The following OPRM1 variants were observed in gnomAD, a reference collection of about 807,000 sequenced individuals.
OPRM1 encodes opioid receptor mu 1, also known as mu-type opioid receptor.
A neutral mutation model predicts 31.8 loss-of-function variants in OPRM1; 27 were observed. That is an observed-to-expected ratio of 0.85 (90% confidence interval 0.63 to 1.17). OPRM1 has a LOEUF of 1.17. Among genes scored for constraint, OPRM1 ranks in the 50% most tolerant of loss-of-function variants. The probability of loss-of-function intolerance (pLI) is 0.00; values close to 1 mark genes in which losing one functional copy is unlikely to be tolerated. For missense variants in OPRM1, 536 were observed against 511.1 expected (o/e 1.05, Z -0.47); for synonymous variants, 196 against 189.9 (o/e 1.03, Z -0.26).
chr6:154,049,752 C>T lies in OPRM1; in HGVS notation c.290+9918C>T, dbSNP rs80282624. On this transcript the variant is annotated intron_variant, in intron 1 of 3. Coordinates refer to ENST00000330432, the MANE Select transcript of OPRM1 (RefSeq NM_000914.5). ...AAAATGGATTCCCATATAACTCACTCATGAGTCACCAGATACCCAACCACA... is the reference window on the plus strand; with the variant it reads ...AAAATGGATTCCCATATAACTCACTTATGAGTCACCAGATACCCAACCACA... Among the ~76,000 whole-genome samples, 25 of 152,302 alleles carry T rather than the reference C, an allele frequency of 1.6e-4. No individual in the cohort carries two copies. The East Asian group carries it at 4.4e-3, about 27-fold the overall frequency.
At chr6:154,079,115 C>G (rs1420184130) in intron 1 of OPRM1, among the ~76,000 whole-genome samples, 1 of 152,122 alleles carries the variant, frequency 6.6e-6, no homozygotes, top group African/African-American at 2.4e-5. Context: ...CTCATTCCCT[C>G]ACTCCAGGAA....
At chr6:154,170,796 G>A (rs1196608827) in intron 3 of OPRM1, among the ~76,000 whole-genome samples, 1 of 152,226 alleles carries the variant, frequency 6.6e-6, no homozygotes, top group Non-Finnish European at 1.5e-5. Flanking sequence ...AGTAGTAAGT[G>A]TGGATGAGGA....
intron 3 of OPRM1, among the ~76,000 whole-genome samples, chr6:154,178,286 A>T (rs1800530575): frequency 6.6e-6 from 1 of 152,196 alleles, no homozygotes; most frequent in Non-Finnish European, 1.5e-5. Flanking sequence ...CTTAAAGTAT[A>T]ATAATAAAAA....
rs1043541469 is a variant in OPRM1 at position 154,039,751 on chromosome 6, G to T, written c.207G>T (p.Thr69=). 1 of 1,607,542 alleles carries T rather than the reference G, an allele frequency of 6.2e-7. No individual in the cohort carries two copies. The highest frequency in any genetic ancestry group is 1.7e-4 in the Middle Eastern group (1 of 6,060). ...CPPTGSPSMI[T]AITIMALYSI... ...CGACCGGCAGTCCCTCCATGATCAC[G>T]GCCATCACGATCATGGCCCTCTACT... is the stretch of plus-strand genomic sequence containing the variant. Residue 69 remains threonine, a synonymous_variant, in exon 1 of 4, where the codon ACG becomes ACT. Coordinates refer to ENST00000330432, the MANE Select transcript of OPRM1 (RefSeq NM_000914.5).
intron 3 of OPRM1, among the ~76,000 whole-genome samples, chr6:154,110,902 AAAAAAAAGAG>A (rs1446313118): frequency 7.0e-6 from 1 of 142,686 alleles, no homozygotes; most frequent in Non-Finnish European, 1.6e-5. Flanking sequence ...AAAAAAAAAA[AAAAAAAAGAG>A]AGAATTAGGA....
At chr6:154,115,375 A>T (rs184257048) in intron 3 of OPRM1, among the ~76,000 whole-genome samples, 1 of 152,130 alleles carries the variant, frequency 6.6e-6, no homozygotes, top group Non-Finnish European at 1.5e-5. Flanking sequence ...CCCCGTCTCT[A>T]CCAAAAATAC....
At chr6:154,211,820 G>A (rs187227688) in intron 3 of OPRM1, among the ~76,000 whole-genome samples, 459 of 152,276 alleles carry the variant, frequency 3.0e-3, no homozygotes, top group Non-Finnish European at 4.4e-3. Context: ...AACTATAGCT[G>A]TAGAGCTGAC....
intron 3 of OPRM1, among the ~76,000 whole-genome samples, chr6:154,201,385 T>A (rs1009867591): frequency 6.6e-6 from 1 of 152,228 alleles, no homozygotes; most frequent in Admixed American, 6.5e-5. Flanking sequence ...TCTCTTTTCC[T>A]TTCTTTAATG....
intron 3 of OPRM1, among the ~76,000 whole-genome samples, chr6:154,229,484 G>C (rs1450720922): frequency 1.3e-5 from 2 of 151,430 alleles, no homozygotes; most frequent in East Asian, 3.9e-4. Flanking sequence ...CGAGTAGCTG[G>C]GACTACAGGC....
At chr6:154,074,375 T>C (rs1337883396) in intron 1 of OPRM1, 1 of 152,214 alleles carries the variant, frequency 6.6e-6, no homozygotes, top group African/African-American at 2.4e-5. Flanking sequence ...AAATAACAAC[T>C]TTAATTTTTG....
Position 154,121,411 on chromosome 6 carries a change from T to C in OPRM1, c.*2690T>C, listed in dbSNP as rs1304276958. Among the ~76,000 whole-genome samples the C allele has an allele frequency of 6.6e-6, 1 of 152,156 alleles. No homozygotes were observed. Among genetic ancestry groups the C allele is most frequent in the Non-Finnish European group, 1.5e-5 (1 of 68,022 alleles). On this transcript the variant is annotated 3_prime_UTR_variant, in exon 4 of 4. Transcript: ENST00000330432. ...CTGGTGAGTCTCTAGGACCCTGCTA[T>C]CCTATCCCAACAGGGCTGTCAGACG... is the stretch of plus-strand genomic sequence containing the variant.
intron 3 of OPRM1, among the ~76,000 whole-genome samples, chr6:154,095,639 T>C (rs1441932454): frequency 6.6e-6 from 1 of 152,220 alleles, no homozygotes; most frequent in East Asian, 1.9e-4. Context: ...AAGAGATTGA[T>C]TCAGTGCCCT....
chr6:154,112,738 T>C (rs1217526654), intron 3 of OPRM1, among the ~76,000 whole-genome samples: 1 of 152,234 alleles, frequency 6.6e-6, no homozygotes, highest in African/African-American at 2.4e-5. Flanking sequence ...ACCTAGAATA[T>C]TCTTGGCTGA....
At chr6:154,094,786 T>A (rs904569677) in intron 3 of OPRM1, among the ~76,000 whole-genome samples, 1 of 152,162 alleles carries the variant, frequency 6.6e-6, no homozygotes, top group African/African-American at 2.4e-5. Context: ...CAACCTAGAT[T>A]CAAAGGGTGA....
chr6:154,058,468 C>G (rs1014049394), intron 1 of OPRM1, among the ~76,000 whole-genome samples: 9 of 152,118 alleles, frequency 5.9e-5, no homozygotes, highest in Non-Finnish European at 1.3e-4. Context: ...GTTTTCAGAA[C>G]AATCACAGGT....
chr6:154,172,909 G>A (rs1032760713), intron 3 of OPRM1, among the ~76,000 whole-genome samples: 1 of 152,208 alleles, frequency 6.6e-6, no homozygotes, highest in Non-Finnish European at 1.5e-5. Context: ...CCTCCCAGTA[G>A]GGGCTGACAG....
chr6:154,010,822 G>A, exon 1 of OPRM1: 1 of 1,383,844 alleles, frequency 7.2e-7, no homozygotes, highest in Non-Finnish European at 9.4e-7. Context: ...ATAGAAAAGG[G>A]CTCCTGCTTT....
chr6:154,090,833 T>G (rs763922687), intron 2 of OPRM1, 119 bp from the exon 3 acceptor site: 2 of 824,110 alleles, frequency 2.4e-6, no homozygotes, highest in Non-Finnish European at 3.8e-6. Context: ...ACAATTTCTT[T>G]ATAGCCTTAA....
chr6:154,056,423 G>C (rs1191964045), intron 1 of OPRM1, among the ~76,000 whole-genome samples: 1 of 151,800 alleles, frequency 6.6e-6, no homozygotes, highest in Non-Finnish European at 1.5e-5. Context: ...CGCCCGGCCT[G>C]ATGGAGCTCT....
Sources: allele counts gnomAD v4.1 joint callset (sites outside exome capture counted in the v4.1 genomes callset), GRCh38; gene constraint gnomAD v4.1.1; transcripts MANE v1.5; gene names NCBI Gene and HGNC (gene_info 2026-07-23, HGNC 2026-07-21).